The following PRMT3 variants were observed in gnomAD, a reference collection of about 807,000 sequenced individuals.
PRMT3 encodes protein arginine N-methyltransferase 3.
PRMT3 carries 62 observed loss-of-function variants against 71.9 expected under a neutral mutation model. The ratio of observed to expected loss-of-function variants is 0.86; its 90% CI spans 0.70 to 1.07. PRMT3 has a LOEUF of 1.07. Among genes scored for constraint, PRMT3 ranks in the 50% least tolerant of loss-of-function variants. PRMT3 has a pLI of 0.00. For missense variants in PRMT3, 663 were observed against 643.0 expected, an observed-to-expected ratio of 1.03 and a Z score of -0.34; for synonymous variants, 213 against 220.4, an observed-to-expected ratio of 0.97 and a Z score of 0.30.
At position 20,387,732 on chromosome 11, in the gene PRMT3, C is replaced by T. The variant is rs1018765419; in HGVS notation, c.-15C>T. On this transcript the variant is annotated 5_prime_UTR_variant, in exon 1 of 16. Transcript: ENST00000331079. This position sits in a 1 kb window ranked among gnomAD's most constrained non-coding sequence, Gnocchi z 4.3. ...CCCGCCCCCAGACACGCCGGGCTCT[C>T]GGGGCACCACAGCCATGTGCTCGTT... is the stretch of plus-strand genomic sequence containing the variant. 3 of 1,531,168 alleles carry T rather than the reference C, an allele frequency of 2.0e-6. No homozygotes were observed. Among genetic ancestry groups the T allele is most frequent in the Admixed American group, 4.0e-5 (2 of 50,020 alleles). The allele number at this position is 1,531,168 out of a possible 1,614,324, so 94.8% of individuals were successfully genotyped here.
chr11:20,411,124 G>C (rs1229038364), intron 9 of PRMT3, among the ~76,000 whole-genome samples: 1 of 152,056 alleles, frequency 6.6e-6, no homozygotes, highest in Non-Finnish European at 1.5e-5. Context: ...CAGCAATCTA[G>C]CATAATAGCT....
intron 15 of PRMT3, 69 bp from the exon 16 acceptor site, chr11:20,508,235 A>T: frequency 1.3e-6 from 1 of 791,890 alleles, no homozygotes; most frequent in Non-Finnish European, 2.1e-6. Context: ...AGTGCTAGTT[A>T]TACATTGTTT....
At chr11:20,418,239 G>T (rs1043978626) in intron 9 of PRMT3, among the ~76,000 whole-genome samples, 3 of 152,050 alleles carry the variant, frequency 2.0e-5, no homozygotes, top group African/African-American at 7.2e-5. Context: ...TTTTTCAGTA[G>T]GTGTTTCCAA....
intron 9 of PRMT3, among the ~76,000 whole-genome samples, chr11:20,413,194 T>A (rs10766671): frequency 0.82 from 124,765 of 152,110 alleles, 53,095 homozygotes; most frequent in Non-Finnish European, 0.95. Flanking sequence ...TATAGTGTTC[T>A]TATGTGTCTC....
chr11:20,497,998 T>TGCTTATGTGAACATA (rs1458430822), intron 15 of PRMT3, among the ~76,000 whole-genome samples: 1 of 152,208 alleles, frequency 6.6e-6, no homozygotes, highest in Non-Finnish European at 1.5e-5. Context: ...GTTATAACTA[T>TGCTTATGTGAACATA]GCTTATGTGA....
chr11:20,423,072 A>G (rs149545627), intron 9 of PRMT3, among the ~76,000 whole-genome samples: 7 of 152,292 alleles, frequency 4.6e-5, no homozygotes, highest in Middle Eastern at 6.8e-3. Flanking sequence ...TTTAAAAATT[A>G]TTTGTAAAGC....
At position 20,506,490 on chromosome 11, in the gene PRMT3, G is replaced by A. The variant is rs555636335; in HGVS notation, c.1487-1814G>A. On this transcript the variant is annotated intron_variant, in intron 15 of 15. Coordinates refer to ENST00000331079, the MANE Select transcript of PRMT3 (RefSeq NM_005788.4). ...TCCTTAATTATGTGTTAAACTGTGAGTCTCACCTTTTTTGCAAAGATGTAG... is the reference window on the plus strand; with the variant it reads ...TCCTTAATTATGTGTTAAACTGTGAATCTCACCTTTTTTGCAAAGATGTAG... 1.0e-3 allele frequency among the ~76,000 whole-genome samples: 157 copies of A among 151,716 alleles called. 3 individuals carry two copies. The South Asian group carries it at 0.023, about 22-fold the overall frequency.
At chr11:20,416,826 G>A (rs188983351) in intron 9 of PRMT3, among the ~76,000 whole-genome samples, 33 of 152,172 alleles carry the variant, frequency 2.2e-4, no homozygotes, top group African/African-American at 6.5e-4. Context: ...TTGGTAGTTC[G>A]TTTCTCATGG....
chr11:20,443,654 T>G (rs1171617716), intron 10 of PRMT3, among the ~76,000 whole-genome samples: 4 of 152,180 alleles, frequency 2.6e-5, no homozygotes, highest in Non-Finnish European at 5.9e-5. Context: ...TTAGAAACTG[T>G]TTTTGTGGGT....
chr11:20,435,265 C>T (rs887952492), intron 10 of PRMT3, among the ~76,000 whole-genome samples: 1 of 151,892 alleles, frequency 6.6e-6, no homozygotes, highest in Admixed American at 6.5e-5. Flanking sequence ...GCAGTGGCAC[C>T]ATCTCAGCTC....
At chr11:20,482,465 A>G (rs1850961347) in intron 13 of PRMT3, among the ~76,000 whole-genome samples, 1 of 152,096 alleles carries the variant, frequency 6.6e-6, no homozygotes, top group Non-Finnish European at 1.5e-5. Context: ...AAGTTTAGCA[A>G]TAAGCACAAA....
At chr11:20,497,068 C>T (rs935587096) in intron 15 of PRMT3, among the ~76,000 whole-genome samples, 2 of 151,994 alleles carry the variant, frequency 1.3e-5, no homozygotes, top group Admixed American at 6.6e-5. Flanking sequence ...TCATTGTAGC[C>T]ATTTTGTCAT....
chr11:20,504,707 T>TGTGA (rs1332372470), intron 15 of PRMT3, among the ~76,000 whole-genome samples: 1,580 of 133,598 alleles, frequency 0.012, 14 homozygotes, highest in Middle Eastern at 0.031. Flanking sequence ...TGTGTGTGTG[T>TGTGA]GAGAGAGAGA....
intron 4 of PRMT3, among the ~76,000 whole-genome samples, chr11:20,392,521 GA>G (rs1313925997): frequency 6.6e-6 from 1 of 152,028 alleles, no homozygotes; most frequent in Non-Finnish European, 1.5e-5. Context: ...CAAATAAAGG[GA>G]AATACTGATG....
intron 15 of PRMT3, among the ~76,000 whole-genome samples, chr11:20,507,005 G>A (rs1355714562): frequency 6.6e-6 from 1 of 152,190 alleles, no homozygotes; most frequent in Non-Finnish European, 1.5e-5. Flanking sequence ...CAGCACCAGT[G>A]CATCAATGGC....
At chr11:20,450,423 T>C (rs973907105) in intron 10 of PRMT3, among the ~76,000 whole-genome samples, 6 of 152,298 alleles carry the variant, frequency 3.9e-5, no homozygotes, top group South Asian at 2.1e-4. Context: ...GTCAGATTGG[T>C]AAAGATTTCT....
chr11:20,505,716 T>C (rs1162346435), intron 15 of PRMT3, among the ~76,000 whole-genome samples: 1 of 152,128 alleles, frequency 6.6e-6, no homozygotes, highest in Non-Finnish European at 1.5e-5. Flanking sequence ...AAATCTTAAA[T>C]GTGTTCAATA....
At chr11:20,458,721 G>A (rs893377233) in intron 11 of PRMT3, among the ~76,000 whole-genome samples, 9 of 152,016 alleles carry the variant, frequency 5.9e-5, no homozygotes, top group Admixed American at 2.0e-4. Flanking sequence ...CTTACTAACC[G>A]AAAGATTAAA....
rs79473253 is a variant in PRMT3 at position 20,443,622 on chromosome 11, A to G, written c.994-8508A>G. Among the ~76,000 whole-genome samples the G allele has an allele frequency of 2.4e-4, 36 of 152,246 alleles. No homozygotes were observed. The East Asian group carries it at 6.8e-3, about 29-fold the overall frequency. On this transcript the variant is annotated intron_variant, in intron 10 of 15. Coordinates refer to ENST00000331079, the MANE Select transcript of PRMT3 (RefSeq NM_005788.4). ...CATTAATGAATTTTTTTCACCCACC[A>G]TGGGGGATTGGGAATATTGTTTTAG...
Sources: gnomAD v4.1 joint callset for allele counts (sites outside exome capture counted in the v4.1 genomes callset) on GRCh38, gnomAD v4.1.1 for gene constraint, Gnocchi (gnomAD v3.1) non-coding constraint, MANE v1.5 for transcripts, NCBI Gene and HGNC (gene_info 2026-07-23, HGNC 2026-07-21) for gene names.